Variants in CARM1 observed in about 807,000 individuals in gnomAD.
CARM1 encodes the protein coactivator associated arginine methyltransferase 1.
In CARM1, 14 loss-of-function variants were observed where a neutral mutation model predicts 72.7. That is an observed-to-expected ratio of 0.19 (90% CI 0.13 to 0.30). CARM1 has a LOEUF of 0.30. Ranked by LOEUF, CARM1 falls within the 10% of genes least tolerant of loss-of-function variation. The probability of loss-of-function intolerance (pLI) is 1.00; values close to 1 mark genes in which losing one functional copy is unlikely to be tolerated. For synonymous variants in CARM1, 333 were observed against 345.5 expected (o/e 0.96, Z 0.40); for missense variants, 432 against 833.7 (o/e 0.52, Z 5.93).
rs1029085179 is a variant in CARM1, at chr19:10,872,012, C to G, written c.220+90C>G. ...GGCCGGCGGGGAGGGGCCCTGAGCG[C>G]GGGGGCCTGGCGTGGGGTCCCCGGG... On this transcript the variant is annotated intron_variant, in intron 1 of 15. Coordinates refer to ENST00000327064, the MANE Select transcript of CARM1 (RefSeq NM_199141.2). The G allele has an allele frequency of 8.8e-4, 935 of 1,066,064 alleles. 1 individual carries two copies. The highest frequency in any genetic ancestry group is 1.8e-3 in the Admixed American group (38 of 20,704). The allele number at this position is 1,066,064 out of a possible 1,614,324, so 66.0% of individuals were successfully genotyped here.
chr19:10,904,181 C>T (rs1416497103), intron 1 of CARM1, among the ~76,000 whole-genome samples: 2 of 152,202 alleles, frequency 1.3e-5, no homozygotes, highest in African/African-American at 2.4e-5. Flanking sequence ...CTGTAGCCTG[C>T]CCCACAACTT....
chr19:10,906,971 A>G lies in CARM1; in HGVS notation c.347-1068A>G, dbSNP rs531569961. On this transcript the variant is annotated intron_variant, in intron 2 of 15. Transcript: ENST00000327064. ...GCCCAGGCTGGAGTGCAGTCACACAATCTTGGCTCACTGCAACCTCCACCT... is the reference window on the plus strand; with the variant it reads ...GCCCAGGCTGGAGTGCAGTCACACAGTCTTGGCTCACTGCAACCTCCACCT... 4.0e-5 allele frequency among the ~76,000 whole-genome samples: 6 copies of G among 150,272 alleles called. No homozygotes were observed. In the South Asian group the frequency reaches 1.0e-3, roughly 26 times the overall value.
intron 3 of CARM1, 62 bp downstream of exon 3, chr19:10,908,207 G>T (rs558713157): frequency 4.6e-5 from 50 of 1,086,616 alleles, no homozygotes; most frequent in Non-Finnish European, 6.6e-5. Context: ...CCACTCACCC[G>T]CAGGAGGCCA....
At position 10,916,577 on chromosome 19, in the gene CARM1, ACTC is replaced by A; in HGVS notation, c.938+84_938+86del. On this transcript the variant is annotated intron_variant, in intron 7 of 15. Transcript: ENST00000327064. The surrounding 1 kb of genome is among the most constrained non-coding windows in gnomAD (Gnocchi z 4.4). ...AGCCCCAGCTCCCCAGAGAGCCTGC[ACTC>A]CTCTTTTTCTGAAAGACTTGGGCTA... 1 of 1,404,676 alleles carries A rather than the reference ACTC, an allele frequency of 7.1e-7. No individual in the cohort carries two copies. Among genetic ancestry groups the A allele is most frequent in the East Asian group, 2.3e-5 (1 of 42,874 alleles). 87.0% of individuals were successfully genotyped at this position (1,404,676 alleles called of 1,614,324 possible).
chr19:10,881,131 A>G (rs1457366868), intron 1 of CARM1, among the ~76,000 whole-genome samples: 3 of 152,062 alleles, frequency 2.0e-5, no homozygotes, highest in Non-Finnish European at 4.4e-5. Flanking sequence ...GTACCACTGC[A>G]CTCCATCCCG....
rs760939461 is a variant in CARM1, at chr19:10,919,869, C to T, written c.1107-8C>T. The T allele has an allele frequency of 1.9e-6, 3 of 1,611,234 alleles. No individual in the cohort carries two copies. The highest frequency in any genetic ancestry group is 4.5e-5 in the East Asian group (2 of 44,870). On this transcript the variant is annotated splice_polypyrimidine_tract_variant and splice_region_variant and intron_variant, in intron 9 of 15. Transcript: ENST00000327064. ...CTTCCCCAGCAGCCACTGCCCTTTG[C>T]CTTCCAGGATAGAAATCCCATTCAA...
intron 1 of CARM1, among the ~76,000 whole-genome samples, chr19:10,894,265 C>A (rs950783816): frequency 6.6e-6 from 1 of 152,164 alleles, no homozygotes; most frequent in Non-Finnish European, 1.5e-5. Flanking sequence ...ATGGGAGGGC[C>A]GGGGGTGGCT....
chr19:10,921,569 C>A, intron 15 of CARM1, 46 bp from the exon 16 acceptor site: 16 of 1,582,754 alleles, frequency 1.0e-5, no homozygotes, highest in Non-Finnish European at 1.3e-5. Context: ...TGCCTGGGGG[C>A]TGGGCGGGCC....
Position 10,922,930 on chromosome 19 carries a change from A to C in CARM1, c.*1173A>C. On this transcript the variant is annotated 3_prime_UTR_variant, in exon 16 of 16. Coordinates refer to ENST00000327064, the MANE Select transcript of CARM1 (RefSeq NM_199141.2). ...CTCCCTCCTGTTCCAGGGGAGCCAT[A>C]GGAGGGAAAGCAGGTGGCCCGGGGG... 5.2e-6 allele frequency: 1 copy of C among 191,322 alleles called. No homozygotes were observed. 11.9% of individuals were successfully genotyped at this position (191,322 alleles called of 1,614,324 possible). A position where few individuals can be genotyped will look rare whatever the true frequency, so the allele number is the denominator to read the frequency against.
At chr19:10,902,053 G>C (rs1477730988) in intron 1 of CARM1, among the ~76,000 whole-genome samples, 1 of 151,970 alleles carries the variant, frequency 6.6e-6, no homozygotes, top group African/African-American at 2.4e-5. Context: ...AGACCAGCCT[G>C]ACCAACATGG....
At chr19:10,900,496 G>C (rs1208666735) in intron 1 of CARM1, among the ~76,000 whole-genome samples, 1 of 152,112 alleles carries the variant, frequency 6.6e-6, no homozygotes, top group Non-Finnish European at 1.5e-5. Context: ...TCATGTTGCA[G>C]CATGGCTCAG....
At chr19:10,914,323 G>T (rs1473408586) in intron 6 of CARM1, among the ~76,000 whole-genome samples, 2 of 152,260 alleles carry the variant, frequency 1.3e-5, no homozygotes, top group African/African-American at 4.8e-5. Context: ...CCCATGTCCT[G>T]CTCCTGCGGG....
rs1440356663 is a variant in CARM1 at position 10,896,436 on chromosome 19, C to T, written c.221-8515C>T. Among the ~76,000 whole-genome samples the T allele has an allele frequency of 6.6e-6, 1 of 152,066 alleles. No homozygotes were observed. Among genetic ancestry groups the T allele is most frequent in the Non-Finnish European group, 1.5e-5 (1 of 67,994 alleles). On this transcript the variant is annotated intron_variant, in intron 1 of 15. Coordinates refer to ENST00000327064, the MANE Select transcript of CARM1 (RefSeq NM_199141.2). This position sits in a 1 kb window ranked among gnomAD's most constrained non-coding sequence, Gnocchi z 5.2. ...CAGTCCACCAAGAGCTGCCCTCTTC[C>T]CCATCCCCATTGCCTCCTGCCTGGC...
In CARM1 at chr19:10,896,500, G is replaced by A. The variant is rs569343139; in HGVS notation, c.221-8451G>A. Reference sequence around the variant, plus strand: ...TGGCTCCTTCCCTATCCTGTGTGACGGTGGGTCTCTCCCCACCCTGCGCAA... The same window carrying A: ...TGGCTCCTTCCCTATCCTGTGTGACAGTGGGTCTCTCCCCACCCTGCGCAA... On this transcript the variant is annotated intron_variant, in intron 1 of 15. Coordinates refer to ENST00000327064, the MANE Select transcript of CARM1 (RefSeq NM_199141.2). This position sits in a 1 kb window ranked among gnomAD's most constrained non-coding sequence, Gnocchi z 5.2. Among the ~76,000 whole-genome samples the A allele has an allele frequency of 3.9e-5, 6 of 151,942 alleles. No individual in the cohort carries two copies. Among genetic ancestry groups the A allele is most frequent in the African/African-American group, 1.4e-4 (6 of 41,406 alleles).
intron 3 of CARM1, chr19:10,908,856 T>G (rs973535741): frequency 2.6e-6 from 1 of 390,070 alleles, no homozygotes; most frequent in African/African-American, 2.1e-5. Context: ...CTGGGCGGCT[T>G]CCAGGTCCAG....
At chr19:10,873,923 G>A (rs981569724) in intron 1 of CARM1, among the ~76,000 whole-genome samples, 1 of 152,196 alleles carries the variant, frequency 6.6e-6, no homozygotes, top group East Asian at 1.9e-4. Context: ...ACAGGCATGA[G>A]CCACCCCGCC....
At chr19:10,872,091 G>C (rs1292596631) in intron 1 of CARM1, among the ~76,000 whole-genome samples, 169 bp downstream of exon 1, 2 of 151,998 alleles carry the variant, frequency 1.3e-5, no homozygotes, top group Non-Finnish European at 2.9e-5. Context: ...CCAGGGGACA[G>C]ACAGAGAAAA....
chr19:10,892,646 G>A (rs1353049739), intron 1 of CARM1, among the ~76,000 whole-genome samples: 1 of 152,206 alleles, frequency 6.6e-6, no homozygotes, highest in Admixed American at 6.5e-5. Flanking sequence ...TGTTTATGAA[G>A]TACTTAACAC....
intron 2 of CARM1, among the ~76,000 whole-genome samples, chr19:10,906,938 A>G (rs1361062163): frequency 7.2e-6 from 1 of 139,160 alleles, no homozygotes; most frequent in East Asian, 2.1e-4. Context: ...ACAGAGTCTC[A>G]CTCTGTTGCC....
Sources: gnomAD v4.1 joint callset for allele counts (sites outside exome capture counted in the v4.1 genomes callset) on GRCh38, gnomAD v4.1.1 for gene constraint, Gnocchi (gnomAD v3.1) non-coding constraint, MANE v1.5 for transcripts, NCBI Gene and HGNC (gene_info 2026-07-23, HGNC 2026-07-21) for gene names.